Variants in SLC25A48 observed in about 807,000 individuals in gnomAD.
The protein encoded by SLC25A48 is solute carrier family 25 member 48.
Under a neutral mutation model 32.2 loss-of-function variants are expected in SLC25A48, and 29 were observed. That is an observed-to-expected ratio of 0.90 (90% CI 0.67 to 1.23). SLC25A48 has a LOEUF of 1.23. Among genes scored for constraint, SLC25A48 ranks in the 50% most tolerant of loss-of-function variants. The pLI, the probability that SLC25A48 is intolerant of heterozygous loss-of-function variation, is 0.00. For synonymous variants in SLC25A48, 164 were observed against 172.3 expected, an observed-to-expected ratio of 0.95 and a Z score of 0.38; for missense variants, 399 against 422.7, an observed-to-expected ratio of 0.94 and a Z score of 0.49.
At chr5:135,842,299 C>G (rs1759072312) in intron 1 of SLC25A48, 117 bp from the exon 2 acceptor site, 1 of 1,052,278 alleles carries the variant, frequency 9.5e-7, no homozygotes, top group African/African-American at 1.5e-5. Flanking sequence ...CCACCCACTC[C>G]CCCTACCCCA....
At chr5:135,817,938 A>G (rs1757768485) in intron 4 of SLC25A48, among the ~76,000 whole-genome samples, 1 of 152,142 alleles carries the variant, frequency 6.6e-6, no homozygotes, top group Admixed American at 6.5e-5. Flanking sequence ...CGCAAAAACT[A>G]GCTACCCGAG....
intron 1 of SLC25A48, among the ~76,000 whole-genome samples, chr5:135,617,059 A>G (rs1298523834): frequency 1.3e-5 from 2 of 151,366 alleles, no homozygotes; most frequent in African/African-American, 2.5e-5. Flanking sequence ...AAAATTTGGT[A>G]GAATTAATCA....
chr5:135,860,440 G>A (rs966219920), intron 4 of SLC25A48, among the ~76,000 whole-genome samples: 4 of 152,240 alleles, frequency 2.6e-5, no homozygotes, highest in African/African-American at 9.6e-5. Context: ...GGTGGGGACT[G>A]TGGCAAGCTG....
At chr5:135,858,445 A>T (rs1034588015) in intron 4 of SLC25A48, among the ~76,000 whole-genome samples, 5 of 152,214 alleles carry the variant, frequency 3.3e-5, no homozygotes, top group Admixed American at 3.3e-4. Context: ...CTGAATAAGA[A>T]TGGTCTTGGC....
chr5:135,686,182 C>G (rs887312791), intron 3 of SLC25A48, among the ~76,000 whole-genome samples: 8 of 152,322 alleles, frequency 5.3e-5, no homozygotes, highest in Admixed American at 5.2e-4. Context: ...CTCTGAGGTG[C>G]AATTCCTCAT....
intron 3 of SLC25A48, among the ~76,000 whole-genome samples, chr5:135,796,530 C>A (rs772371691): frequency 2.0e-5 from 3 of 150,934 alleles, no homozygotes; most frequent in African/African-American, 7.3e-5. Flanking sequence ...GATGATATTA[C>A]TCCCCATATC....
At chr5:135,849,879 C>T (rs564547784) in intron 2 of SLC25A48, among the ~76,000 whole-genome samples, 50 of 152,104 alleles carry the variant, frequency 3.3e-4, no homozygotes, top group African/African-American at 1.0e-3. Flanking sequence ...AGGGAGAATG[C>T]AGAATTTATC....
intron 3 of SLC25A48, among the ~76,000 whole-genome samples, chr5:135,657,752 C>A (rs1327166091): frequency 1.3e-5 from 2 of 152,226 alleles, no homozygotes; most frequent in Non-Finnish European, 2.9e-5. Context: ...TTGCCATGAG[C>A]AGGTTGCTGT....
intron 3 of SLC25A48, among the ~76,000 whole-genome samples, chr5:135,787,202 G>T (rs1756869386): frequency 6.6e-6 from 1 of 152,056 alleles, no homozygotes; most frequent in Admixed American, 6.5e-5. Context: ...CACAGTGGGT[G>T]TACAACAAAT....
intron 1 of SLC25A48, among the ~76,000 whole-genome samples, chr5:135,604,860 G>A (rs1317451346): frequency 6.6e-6 from 1 of 152,192 alleles, no homozygotes; most frequent in Non-Finnish European, 1.5e-5. Flanking sequence ...GTGAACTCCA[G>A]CTCTGCCACT....
At chr5:135,689,651 A>C (rs1754098650) in intron 3 of SLC25A48, among the ~76,000 whole-genome samples, 1 of 152,206 alleles carries the variant, frequency 6.6e-6, no homozygotes, top group African/African-American at 2.4e-5. Context: ...TAGAAACCTG[A>C]AGGTCCTAAA....
intron 4 of SLC25A48, among the ~76,000 whole-genome samples, chr5:135,869,539 G>A (rs1271414507): frequency 6.6e-6 from 1 of 152,190 alleles, no homozygotes; most frequent in Admixed American, 6.5e-5. Flanking sequence ...AGTAACTCCT[G>A]AAAGCCACTA....
Position 135,686,200 on chromosome 5 carries a change from A to G in SLC25A48, c.-521+51244A>G, listed in dbSNP as rs75582394. On this transcript the variant is annotated intron_variant, in intron 3 of 10. Coordinates refer to the SLC25A48 transcript ENST00000646290. ...TGAGGTGCAATTCCTCATCTCTATAATGGGAAAATTAGCAGGTGTTTCTGT... is the reference window on the plus strand; with the variant it reads ...TGAGGTGCAATTCCTCATCTCTATAGTGGGAAAATTAGCAGGTGTTTCTGT... Among the ~76,000 whole-genome samples the G allele has an allele frequency of 5.9e-3, 898 of 152,296 alleles. 12 individuals are homozygous for G. The highest frequency in any genetic ancestry group is 0.02 in the African/African-American group (847 of 41,564).
chr5:135,880,051 G>T lies in SLC25A48; in HGVS notation c.897G>T (p.Leu299=), dbSNP rs1423395369. The part of the protein sequence containing the change: ...AAMFLGYELS[L]QAIRGDHAVT... Reference sequence around the variant, plus strand: ...TGTTCCTTGGGTACGAGCTGTCGCTGCAGGCTATCCGCGGGGACCACGCAG... The same window carrying T: ...TGTTCCTTGGGTACGAGCTGTCGCTTCAGGCTATCCGCGGGGACCACGCAG... The change falls in exon 7 of 8, where the codon CTG becomes CTT. Residue 299 remains leucine, a synonymous_variant. Transcript: ENST00000681962. 1 of 1,536,210 alleles carries T rather than the reference G, an allele frequency of 6.5e-7. No individual in the cohort carries two copies. The highest frequency in any genetic ancestry group is 8.7e-7 in the Non-Finnish European group (1 of 1,146,922).
chr5:135,876,725 T>C (rs554797830), intron 6 of SLC25A48, among the ~76,000 whole-genome samples: 1 of 152,360 alleles, frequency 6.6e-6, no homozygotes, highest in South Asian at 2.1e-4. Context: ...TATGCTTGTA[T>C]ATGTGACTGT....
chr5:135,665,350 A>C (rs1332154831), intron 3 of SLC25A48, among the ~76,000 whole-genome samples: 1 of 152,044 alleles, frequency 6.6e-6, no homozygotes, highest in Non-Finnish European at 1.5e-5. Context: ...GTAGTTGGCA[A>C]ATATTTTCTC....
chr5:135,628,740 T>TA (rs35039539), intron 1 of SLC25A48, among the ~76,000 whole-genome samples: 28,608 of 152,012 alleles, frequency 0.19, 2,814 homozygotes, highest in East Asian at 0.32. Context: ...AGATGGTAGA[T>TA]ATAGGACAAA....
intron 3 of SLC25A48, among the ~76,000 whole-genome samples, chr5:135,645,413 C>T (rs1462748709): frequency 6.6e-6 from 1 of 152,208 alleles, no homozygotes; most frequent in Non-Finnish European, 1.5e-5. Context: ...TGCTAGCTGG[C>T]GTCACCACTA....
At chr5:135,721,192 CTTTTTTTTTT>C (rs757412641) in intron 3 of SLC25A48, among the ~76,000 whole-genome samples, 10 of 53,884 alleles carry the variant, frequency 1.9e-4, no homozygotes, top group Non-Finnish European at 3.0e-4. Flanking sequence ...CATGCCTGGC[CTTTTTTTTTT>C]TTTTTTTTTT....
Sources: allele counts gnomAD v4.1 joint callset (sites outside exome capture counted in the v4.1 genomes callset), GRCh38; gene constraint gnomAD v4.1.1; transcripts MANE v1.5; gene names NCBI Gene and HGNC (gene_info 2026-07-23, HGNC 2026-07-21).